The following TXLNB variants were observed in gnomAD, a reference collection of about 807,000 sequenced individuals.
TXLNB encodes taxilin beta.
A neutral mutation model predicts 57.4 loss-of-function variants in TXLNB; 37 were observed. The observed-to-expected ratio is 0.64, with a 90% confidence interval of 0.50 to 0.85. The LOEUF is 0.85. Among genes scored for constraint, TXLNB ranks in the 40% least tolerant of loss-of-function variants. TXLNB has a pLI of 0.00. For synonymous variants in TXLNB, 302 were observed against 309.6 expected (o/e 0.98, Z 0.26); for missense variants, 848 against 825.6 (o/e 1.03, Z -0.33).
the TXLNB span, among the ~76,000 whole-genome samples, chr6:139,224,861 C>T: frequency 2.0e-5 from 3 of 151,946 alleles, no homozygotes; most frequent in Non-Finnish European, 4.4e-5. Context: ...GCATACTTCC[C>T]AACTTATAAT....
At chr6:139,164,770 A>C in the TXLNB span, among the ~76,000 whole-genome samples, 1 of 151,968 alleles carries the variant, frequency 6.6e-6, no homozygotes, top group Non-Finnish European at 1.5e-5. Context: ...CCCAGCCTGT[A>C]AGCCACACTA....
At chr6:139,233,320 AT>A in the TXLNB span, among the ~76,000 whole-genome samples, 2 of 148,686 alleles carry the variant, frequency 1.3e-5, no homozygotes, top group African/African-American at 4.9e-5. Flanking sequence ...TAATTTTATT[AT>A]TTTTATAAGA....
the TXLNB span, among the ~76,000 whole-genome samples, chr6:139,184,962 C>A: frequency 6.6e-6 from 1 of 152,160 alleles, no homozygotes; most frequent in Non-Finnish European, 1.5e-5. Flanking sequence ...ACTGCCAAAC[C>A]ATTGGTTGAA....
At chr6:139,285,257 A>AAC (rs57409101) in intron 2 of TXLNB, among the ~76,000 whole-genome samples, 2,262 of 120,052 alleles carry the variant, frequency 0.019, 130 homozygotes, top group African/African-American at 0.046. Context: ...CTTTCCCCTC[A>AAC]ACACACACAC....
At chr6:139,319,965 T>C in the TXLNB span, among the ~76,000 whole-genome samples, 6 of 152,194 alleles carry the variant, frequency 3.9e-5, no homozygotes, top group Non-Finnish European at 7.3e-5. Context: ...ACATTTCTAC[T>C]ACTTTATAAA....
At chr6:139,246,330 C>T (rs1562271838) in intron 8 of TXLNB, among the ~76,000 whole-genome samples, 1 of 152,116 alleles carries the variant, frequency 6.6e-6, no homozygotes, top group Non-Finnish European at 1.5e-5. Flanking sequence ...TGCCAATCTT[C>T]TTCAGGTTGC....
the TXLNB span, among the ~76,000 whole-genome samples, chr6:139,224,144 T>C: frequency 2.0e-5 from 3 of 149,840 alleles, no homozygotes; most frequent in South Asian, 4.4e-4. Flanking sequence ...ATGTCCTTTG[T>C]AGGGACATGG....
chr6:139,176,864 G>C, the TXLNB span: 1 of 779,848 alleles, frequency 1.3e-6, no homozygotes, highest in Non-Finnish European at 2.3e-6. This position sits in a 1 kb window ranked among gnomAD's most constrained non-coding sequence, Gnocchi z 4.5. Flanking sequence ...CAGTTTCCCA[G>C]CATTTTGGTT....
At chr6:139,193,844 T>G in the TXLNB span, among the ~76,000 whole-genome samples, 1 of 53,534 alleles carries the variant, frequency 1.9e-5, no homozygotes, top group African/African-American at 8.1e-5. Context: ...ATATATATTT[T>G]TTTTTTTTTT....
chr6:139,288,956 G>A lies in TXLNB; in HGVS notation c.-14-43C>T, dbSNP rs1049079109. 4 of 1,411,566 alleles carry A rather than the reference G, an allele frequency of 2.8e-6. No individual in the cohort carries two copies. The South Asian group carries it at 5.0e-5, about 17-fold the overall frequency. The allele number at this position is 1,411,566 out of a possible 1,614,324, so 87.4% of individuals were successfully genotyped here. ...TAGGCTTTATGTAGCTAACCTACTT[G>A]CTACATATCAATGCTACATTTCAAT... On this transcript the variant is annotated intron_variant, in intron 1 of 9. Coordinates refer to ENST00000358430, the MANE Select transcript of TXLNB (RefSeq NM_153235.4).
At chr6:139,236,362 C>G (rs184963080), downstream of TXLNB, among the ~76,000 whole-genome samples, 262 of 152,296 alleles carry the variant, frequency 1.7e-3, 3 homozygotes, top group South Asian at 1.2e-3. Flanking sequence ...CTTCTGCATG[C>G]TCCCCTAAGG....
the TXLNB span, chr6:139,179,038 A>G: frequency 9.9e-5 from 15 of 152,210 alleles, no homozygotes; most frequent in Admixed American, 5.9e-4. Context: ...GTGGGAAGAA[A>G]TGCATAAAAT....
chr6:139,293,487 C>T (rs914054831), upstream of TXLNB, among the ~76,000 whole-genome samples: 1 of 151,906 alleles, frequency 6.6e-6, no homozygotes, highest in African/African-American at 2.4e-5. Context: ...CTTCTAGAAG[C>T]TGGGAAAGGC....
the TXLNB span, among the ~76,000 whole-genome samples, chr6:139,208,838 G>A: frequency 6.6e-6 from 1 of 152,134 alleles, no homozygotes; most frequent in Non-Finnish European, 1.5e-5. Flanking sequence ...ATATTATACT[G>A]AATGGGGAAA....
upstream of TXLNB, among the ~76,000 whole-genome samples, chr6:139,292,500 G>C (rs143508446): frequency 6.6e-6 from 1 of 152,294 alleles, no homozygotes; most frequent in East Asian, 1.9e-4. The surrounding 1 kb of genome is among the most constrained non-coding windows in gnomAD (Gnocchi z 4.0). Context: ...AATGGCATAA[G>C]AACAGGGAGG....
the TXLNB span, among the ~76,000 whole-genome samples, chr6:139,207,377 A>G: frequency 6.6e-6 from 1 of 152,232 alleles, no homozygotes; most frequent in African/African-American, 2.4e-5. Context: ...CTGCCCTTGA[A>G]TGATCTTTGG....
the TXLNB span, among the ~76,000 whole-genome samples, chr6:139,302,514 A>G: frequency 6.6e-6 from 1 of 151,832 alleles, no homozygotes; most frequent in African/African-American, 2.4e-5. Flanking sequence ...CTGTAATCCC[A>G]GCACTTTGGG....
At chr6:139,217,246 A>G in the TXLNB span, among the ~76,000 whole-genome samples, 3 of 151,970 alleles carry the variant, frequency 2.0e-5, no homozygotes, top group Non-Finnish European at 4.4e-5. Flanking sequence ...AGTACTTGAA[A>G]ACCTCCCTTT....
rs542980051 is a variant in TXLNB at position 139,244,823 on chromosome 6, G to A, written c.1171-133C>T. 1,396 of 650,180 alleles carry A rather than the reference G, an allele frequency of 2.1e-3. 4 individuals are homozygous for A. The highest frequency in any genetic ancestry group is 3.5e-3 in the Non-Finnish European group (1,291 of 368,652). 40.3% of individuals were successfully genotyped at this position (650,180 alleles called of 1,614,324 possible). On this transcript the variant is annotated intron_variant, in intron 8 of 9. Coordinates refer to ENST00000358430, the MANE Select transcript of TXLNB (RefSeq NM_153235.4). Reference sequence around the variant, plus strand: ...GAAGCAAACAAATGTTCAATGTCAAGAATGAAGATTGTAGCAGAGTCATAA... The same window carrying A: ...GAAGCAAACAAATGTTCAATGTCAAAAATGAAGATTGTAGCAGAGTCATAA...
Sources: gnomAD v4.1 joint callset for allele counts (sites outside exome capture counted in the v4.1 genomes callset) on GRCh38, gnomAD v4.1.1 for gene constraint, Gnocchi (gnomAD v3.1) non-coding constraint, MANE v1.5 for transcripts, NCBI Gene and HGNC (gene_info 2026-07-23, HGNC 2026-07-21) for gene names.